The following TPP1 variants were observed in gnomAD, a reference collection of about 807,000 sequenced individuals.
The protein encoded by TPP1 is tripeptidyl peptidase 1.
Under a neutral mutation model 67.6 loss-of-function variants are expected in TPP1, and 43 were observed. The ratio of observed to expected loss-of-function variants is 0.64; its 90% CI spans 0.50 to 0.82. TPP1 has a LOEUF of 0.82. TPP1 is among the 40% of genes least tolerant of loss of function. TPP1 has a pLI of 0.00. For synonymous variants in TPP1, 272 were observed against 281.5 expected (o/e 0.97, Z 0.34); for missense variants, 671 against 710.9 (o/e 0.94, Z 0.64).
Position 6,614,561 on chromosome 11 carries a change from A to G in TPP1, c.1677T>C (p.Thr559=). 1 of 1,614,050 alleles carries G rather than the reference A, an allele frequency of 6.2e-7. No individual in the cohort carries two copies. The highest frequency in any genetic ancestry group is 8.5e-7 in the Non-Finnish European group (1 of 1,179,998). The change falls in exon 13 of 13, where the codon ACT becomes ACC. Residue 559 remains threonine (T), a synonymous_variant. Transcript: ENST00000299427. The part of the protein sequence containing the change: ...GTPNFPALLK[T]LLNP The stretch of plus-strand genomic sequence containing the variant: ...TAGGAAAGGGTCAGGGGTTGAGTAG[A>G]GTCTTCAGCAAAGCTGGGAAGTTGG...
At chr11:6,617,521 T>A in intron 4 of TPP1, 93 bp from the exon 5 acceptor site, 1 of 1,612,818 alleles carries the variant, frequency 6.2e-7, no homozygotes, top group Non-Finnish European at 8.5e-7. Flanking sequence ...TGTCTCCCCA[T>A]GCATTAGCTC....
intron 5 of TPP1, 21 bp downstream of exon 5, chr11:6,617,280 C>T (rs2134595492): frequency 6.2e-7 from 1 of 1,614,050 alleles, no homozygotes; most frequent in Non-Finnish European, 8.5e-7. Context: ...CCCCAACCCC[C>T]ATTCACCCCA....
rs1466036261 is a variant in TPP1, at chr11:6,614,155, G to A, written c.*391C>T. 1.1e-5 allele frequency: 3 copies of A among 267,040 alleles called. No homozygotes were observed. The highest frequency in any genetic ancestry group is 4.1e-4 in the Middle Eastern group (1 of 2,414). 16.5% of individuals were successfully genotyped at this position (267,040 alleles called of 1,614,324 possible). A position where few individuals can be genotyped will look rare whatever the true frequency, so the allele number is the denominator to read the frequency against. The stretch of plus-strand genomic sequence containing the variant: ...GAGGCCATTGTTTCTGGATGTCAGG[G>A]TAGGAAAGAGTAAACGGTGACAGTA... On this transcript the variant is annotated 3_prime_UTR_variant, in exon 13 of 13. Coordinates refer to ENST00000299427, the MANE Select transcript of TPP1 (RefSeq NM_000391.4).
Position 6,617,178 on chromosome 11 carries a change from G to A in TPP1, c.509-25C>T, listed in dbSNP as rs116069009. Reference sequence around the variant, plus strand: ...ACTGTAGGGAGAAGTCAGGCTTGAGGAGATCTTATAGACTGTAATGCCCAC... The same window carrying A: ...ACTGTAGGGAGAAGTCAGGCTTGAGAAGATCTTATAGACTGTAATGCCCAC... On this transcript the variant is annotated intron_variant, in intron 5 of 12. Coordinates refer to ENST00000299427, the MANE Select transcript of TPP1 (RefSeq NM_000391.4). 1.6e-3 allele frequency: 2,599 copies of A among 1,613,670 alleles called. 55 individuals are homozygous for A. In the African/African-American group the frequency reaches 0.029, roughly 18 times the overall value.
In TPP1 at chr11:6,613,171, T is replaced by A. The variant is rs1855522425; in HGVS notation, c.*1375A>T. 2 of 152,218 alleles carry A rather than the reference T, an allele frequency of 1.3e-5. No individual in the cohort carries two copies. Among genetic ancestry groups the A allele is most frequent in the South Asian group, 4.1e-4 (2 of 4,834 alleles). 9.4% of individuals were successfully genotyped at this position (152,218 alleles called of 1,614,324 possible). On this transcript the variant is annotated 3_prime_UTR_variant, in exon 13 of 13. Transcript: ENST00000299427. ...AACCAAGATTCAAACAGGTTTTGTT[T>A]AGAAAATCTAGGATTTTTCAGCCAT...
chr11:6,614,824 TA>T, intron 12 of TPP1, 41 bp downstream of exon 12: 1 of 1,613,818 alleles, frequency 6.2e-7, no homozygotes, highest in Non-Finnish European at 8.5e-7. Context: ...GCACTCCCCA[TA>T]GTTGTTTGAA....
Position 6,614,697 on chromosome 11 carries a change from G to A in TPP1, c.1552-11C>T, listed in dbSNP as rs1435878513. The A allele has an allele frequency of 6.2e-7, 1 of 1,614,116 alleles. No homozygotes were observed. Among genetic ancestry groups the A allele is most frequent in the Admixed American group, 1.7e-5 (1 of 60,026 alleles). ...GCAGCCACGGGTTACCTAGGGAGGAGGCTGGCATCAGATCTGGGCCTACTA... is the reference window on the plus strand; with the variant it reads ...GCAGCCACGGGTTACCTAGGGAGGAAGCTGGCATCAGATCTGGGCCTACTA... On this transcript the variant is annotated splice_polypyrimidine_tract_variant and intron_variant, in intron 12 of 12. Transcript: ENST00000299427.
At position 6,614,186 on chromosome 11, in the gene TPP1, C is replaced by A; in HGVS notation, c.*360G>T. Reference sequence around the variant, plus strand: ...AAGAGTAAACGGTGACAGTAGAGGTCTCCTTGCAGTGAATTGGGGAATGAA... The same window carrying A: ...AAGAGTAAACGGTGACAGTAGAGGTATCCTTGCAGTGAATTGGGGAATGAA... On this transcript the variant is annotated 3_prime_UTR_variant, in exon 13 of 13. Transcript: ENST00000299427. The A allele has an allele frequency of 3.1e-6, 1 of 325,308 alleles. No individual in the cohort carries two copies. The highest frequency in any genetic ancestry group is 5.9e-6 in the Non-Finnish European group (1 of 168,126). 20.2% of individuals were successfully genotyped at this position (325,308 alleles called of 1,614,324 possible).
rs1315730321 is a variant in TPP1, at chr11:6,618,842, G to C, written c.163C>G (p.Gln55Glu). The C allele has an allele frequency of 1.1e-5, 18 of 1,613,978 alleles. No homozygotes were observed. Among genetic ancestry groups the C allele is most frequent in the African/African-American group, 2.7e-5 (2 of 74,918 alleles). The change falls in exon 3 of 13, where the codon CAG (glutamine) becomes GAG (glutamate). Residue 55 changes from glutamine to glutamate, a missense_variant. Physicochemically the swap from Gln to Glu is conservative, Grantham distance 29 (BLOSUM62 2). Transcript: ENST00000299427. Reference sequence around the variant, plus strand: ...TCCGAGAGTCTTTCCACATTCTGCTGTCTCAGGGCAAAGGTGAGACTCAGC... The same window carrying C: ...TCCGAGAGTCTTTCCACATTCTGCTCTCTCAGGGCAAAGGTGAGACTCAGC... ...EELSLTFALR[Q>E]QNVERLSELV...
In TPP1 at chr11:6,615,293, G is replaced by C. The variant is rs755829911; in HGVS notation, c.1303C>G (p.His435Asp). 4 of 1,614,198 alleles carry C rather than the reference G, an allele frequency of 2.5e-6. No individual in the cohort carries two copies. In the Admixed American group the frequency reaches 5.0e-5, roughly 20 times the overall value. Reference sequence around the variant, plus strand: ...TTGAAGTAACTGGATGGTGGCAGGTGGGGGCTAGAGCTCAGGAACTTCGTT... The same window carrying C: ...TTGAAGTAACTGGATGGTGGCAGGTCGGGGCTAGAGCTCAGGAACTTCGTT... ...AVTKFLSSSP[H>D]LPPSSYFNAS... Residue 435 changes from histidine to aspartate, a missense_variant, in exon 11 of 13, where the codon CAC becomes GAC. Coordinates refer to ENST00000299427, the MANE Select transcript of TPP1 (RefSeq NM_000391.4).
rs200880556 is a variant in TPP1, at chr11:6,614,574, G to T, written c.1664C>A (p.Ala555Asp). Residue 555 changes from alanine (A) to aspartate (D), a missense_variant, in exon 13 of 13, where the codon GCT becomes GAT. Coordinates refer to ENST00000299427, the MANE Select transcript of TPP1 (RefSeq NM_000391.4). ...GGGGTTGAGTAGAGTCTTCAGCAAA[G>T]CTGGGAAGTTGGGTGTTCCCCAGCC... is the stretch of plus-strand genomic sequence containing the variant. The part of the protein sequence containing the change: ...VTGWGTPNFP[A>D]LLKTLLNP The T allele has an allele frequency of 1.0e-4, 163 of 1,614,026 alleles. No homozygotes were observed. The highest frequency in any genetic ancestry group is 1.3e-4 in the Non-Finnish European group (156 of 1,180,026).
At chr11:6,618,652 T>C (rs1020002040) in intron 3 of TPP1, 124 bp downstream of exon 3, 1 of 1,373,322 alleles carries the variant, frequency 7.3e-7, no homozygotes, top group Non-Finnish European at 1.0e-6. Flanking sequence ...CATCCCCTTT[T>C]AGGTTTCTAG....
chr11:6,618,087 C>T (rs1459443317), intron 3 of TPP1: 7 of 424,566 alleles, frequency 1.6e-5, no homozygotes, highest in Non-Finnish European at 4.4e-6. Flanking sequence ...TAATTTTAAG[C>T]TTATGTCCGG....
At chr11:6,615,112 A>C in intron 11 of TPP1, 59 bp downstream of exon 11, 1 of 1,613,966 alleles carries the variant, frequency 6.2e-7, no homozygotes, top group Non-Finnish European at 8.5e-7. Context: ...AAGGTGTTCA[A>C]GGTGTTAGGG....
intron 1 of TPP1, 28 bp from the exon 2 acceptor site, chr11:6,619,295 G>A (rs1363760571): frequency 5.0e-6 from 8 of 1,614,026 alleles, no homozygotes; most frequent in Non-Finnish European, 6.8e-6. Context: ...GGGTTTCAGT[G>A]GGAGCTACGT....
Position 6,617,083 on chromosome 11 carries a change from A to G in TPP1, c.579T>C (p.Thr193=), listed in dbSNP as rs1855598401. The G allele has an allele frequency of 6.2e-7, 1 of 1,614,024 alleles. No homozygotes were observed. Among genetic ancestry groups the G allele is most frequent in the Non-Finnish European group, 8.5e-7 (1 of 1,180,014 alleles). The change falls in exon 6 of 13, where the codon ACT becomes ACC. Residue 193 remains threonine, a synonymous_variant. Coordinates refer to ENST00000299427, the MANE Select transcript of TPP1 (RefSeq NM_000391.4). The part of the protein sequence containing the change: ...RQRPEPQVTG[T]VGLHLGVTPS... ...GGGTTACCCCCAGATGCAGGCCTAC[A>G]GTCCCTGTCACCTGCGGCTCAGGAC... is the stretch of plus-strand genomic sequence containing the variant.
chr11:6,612,873 T>G lies in TPP1; in HGVS notation c.*1673A>C, dbSNP rs1004333669. ...ATTCTAGTCCTCTAGGCACCAACGGTCTTGGAAAGGAAGGCAGACAAGTAA... is the reference window on the plus strand; with the variant it reads ...ATTCTAGTCCTCTAGGCACCAACGGGCTTGGAAAGGAAGGCAGACAAGTAA... On this transcript the variant is annotated 3_prime_UTR_variant, in exon 13 of 13. Coordinates refer to ENST00000299427, the MANE Select transcript of TPP1 (RefSeq NM_000391.4). The G allele has an allele frequency of 2.0e-5, 3 of 152,610 alleles. No individual in the cohort carries two copies. The highest frequency in any genetic ancestry group is 3.8e-4 in the East Asian group (2 of 5,198). 9.5% of individuals were successfully genotyped at this position (152,610 alleles called of 1,614,324 possible).
chr11:6,618,684 G>T, intron 3 of TPP1, 92 bp downstream of exon 3: 1 of 1,554,898 alleles, frequency 6.4e-7, no homozygotes, highest in South Asian at 1.1e-5. Flanking sequence ...CAAGTGTCTT[G>T]GCAGGCTCTG....
Position 6,614,932 on chromosome 11 carries a change from A to G in TPP1, c.1485T>C (p.Ser495=), listed in dbSNP as rs2134591028. 6.2e-7 allele frequency: 1 copy of G among 1,614,160 alleles called. No individual in the cohort carries two copies. The highest frequency in any genetic ancestry group is 1.1e-5 in the South Asian group (1 of 91,086). Residue 495 remains serine, a synonymous_variant, in exon 12 of 13, where the codon AGT becomes AGC. Transcript: ENST00000299427. ...TGAGAAAGCCAAGAGGGGGGCGGCC[A>G]CTAAGGATCCTGTGCTCATTGATCA... is the stretch of plus-strand genomic sequence containing the variant. ...LSLINEHRIL[S]GRPPLGFLNP... is the part of the protein sequence containing the mutation.
Sources: allele counts gnomAD v4.1 joint callset, GRCh38; gene constraint gnomAD v4.1.1; transcripts MANE v1.5; gene names NCBI Gene and HGNC (gene_info 2026-07-23, HGNC 2026-07-21).